The following TUG1 variants were observed in gnomAD, a reference collection of about 807,000 sequenced individuals.
TUG1 encodes the protein taurine upregulated gene 1.
chr22:30,975,993 G>A (rs773164907), exon 3 of TUG1: 4 of 150,612 alleles, frequency 2.7e-5, no homozygotes, highest in Non-Finnish European at 2.9e-5. Flanking sequence ...TCAACCAGTA[G>A]CAGTTATATT....
exon 1 of TUG1, chr22:30,969,807 A>C (rs1380664273): frequency 6.6e-6 from 1 of 152,178 alleles, no homozygotes; most frequent in Non-Finnish European, 1.5e-5. Context: ...TTTCCTCCTT[A>C]TGCCGCCTTA....
exon 1 of TUG1, chr22:30,969,866 C>G (rs778445114): frequency 6.6e-6 from 1 of 152,276 alleles, no homozygotes; most frequent in Non-Finnish European, 1.5e-5. Flanking sequence ...GAGACGAGCT[C>G]CGGAGTCGGA....
At chr22:30,978,803 A>G (rs966996882) in exon 3 of TUG1, 1 of 152,204 alleles carries the variant, frequency 6.6e-6, no homozygotes, top group Non-Finnish European at 1.5e-5. Context: ...TATCCCCTGG[A>G]CTTTTCAGTT....
At chr22:30,977,178 A>C (rs2041298126) in exon 3 of TUG1, 1 of 152,198 alleles carries the variant, frequency 6.6e-6, no homozygotes, top group Admixed American at 6.5e-5. Context: ...TTAGAAAAGC[A>C]AAAAACCTAA....
chr22:30,975,223 C>T (rs2041274666), exon 3 of TUG1: 1 of 152,186 alleles, frequency 6.6e-6, no homozygotes, highest in Non-Finnish European at 1.5e-5. Flanking sequence ...GCTTTGTGGC[C>T]ATGAAGCCCT....
At chr22:30,978,990 A>G (rs1172407759) in exon 3 of TUG1, 1 of 152,182 alleles carries the variant, frequency 6.6e-6, no homozygotes, top group East Asian at 1.9e-4. Flanking sequence ...ACAAAATGAA[A>G]CAGGAACTGA....
chr22:30,977,970 G>T (rs1217250086), exon 3 of TUG1: 1 of 152,110 alleles, frequency 6.6e-6, no homozygotes, highest in Non-Finnish European at 1.5e-5. Flanking sequence ...CATCTATCGG[G>T]TCTGGAAGGA....
At chr22:30,978,506 C>G (rs15211) in exon 3 of TUG1, 1 of 152,214 alleles carries the variant, frequency 6.6e-6, no homozygotes, top group African/African-American at 2.4e-5. Flanking sequence ...TTAAAACCAC[C>G]TCTTCCTATT....
At chr22:30,972,098 A>G (rs1291998220) in intron 1 of TUG1, 1 of 152,230 alleles carries the variant, frequency 6.6e-6, no homozygotes, top group African/African-American at 2.4e-5. Flanking sequence ...CTTTGCCCAC[A>G]TACACCACAA....
At chr22:30,970,004 G>A (rs1189372896) in exon 1 of TUG1, 2 of 152,220 alleles carry the variant, frequency 1.3e-5, no homozygotes, top group East Asian at 3.8e-4. Context: ...AAATCGCTTT[G>A]TAAACTATAA....
intron 2 of TUG1, chr22:30,974,224 T>G (rs2041261945): frequency 6.6e-6 from 1 of 151,662 alleles, no homozygotes; most frequent in Non-Finnish European, 1.5e-5. Flanking sequence ...TGTTACCTAG[T>G]AAGATAGTAA....
chr22:30,974,343 G>T (rs2041264149), intron 2 of TUG1: 2 of 120,636 alleles, frequency 1.7e-5, no homozygotes, highest in Admixed American at 1.6e-4. Context: ...AAATTCAGAA[G>T]TCTGAAAAAA....
At chr22:30,979,038 A>G (rs1269349679) in exon 3 of TUG1, 1 of 152,204 alleles carries the variant, frequency 6.6e-6, no homozygotes, top group Non-Finnish European at 1.5e-5. Context: ...TAAAAATGAC[A>G]TGGTAGAAAG....
exon 1 of TUG1, chr22:30,970,945 T>A (rs552586318): frequency 6.6e-6 from 1 of 152,252 alleles, no homozygotes; most frequent in Non-Finnish European, 1.5e-5. Flanking sequence ...TCCTTGGCCC[T>A]CCTTGTGTTC....
chr22:30,978,378 T>TTACC (rs1233309308), exon 3 of TUG1: 2 of 152,218 alleles, frequency 1.3e-5, no homozygotes, highest in Non-Finnish European at 2.9e-5. Context: ...ATGCCAGCTG[T>TTACC]TACCATTCAA....
At chr22:30,978,311 A>G (rs1214234286) in exon 3 of TUG1, 1 of 152,222 alleles carries the variant, frequency 6.6e-6, no homozygotes. Flanking sequence ...TGAGGACAGG[A>G]CAAACTTATC....
chr22:30,972,047 G>C (rs2041237071), intron 1 of TUG1: 1 of 152,220 alleles, frequency 6.6e-6, no homozygotes. Flanking sequence ...TGTCTTTGCA[G>C]ATAGCAGACT....
exon 1 of TUG1, chr22:30,970,977 C>G (rs1183324913): frequency 2.0e-5 from 3 of 152,146 alleles, no homozygotes; most frequent in Admixed American, 6.5e-5. Context: ...AAGTGTAATA[C>G]TAGGATGTCC....
At chr22:30,972,083 T>TGCATC (rs1294864537) in intron 1 of TUG1, 2 of 152,252 alleles carry the variant, frequency 1.3e-5, no homozygotes, top group Non-Finnish European at 2.9e-5. Flanking sequence ...CCTTGTTTAG[T>TGCATC]GCATCTTTGC....
Sources: gnomAD v4.1 joint callset for allele counts on GRCh38, gnomAD v4.1.1 for gene constraint, MANE v1.5 for transcripts, NCBI Gene and HGNC (gene_info 2026-07-23, HGNC 2026-07-21) for gene names.